KANK3: variants seen among roughly 807,000 people sequenced by gnomAD.
KANK3 encodes the protein KN motif and ankyrin repeat domains 3.
A neutral mutation model predicts 65.4 loss-of-function variants in KANK3; 61 were observed. The ratio of observed to expected loss-of-function variants is 0.93; its 90% CI spans 0.76 to 1.15. The LOEUF (loss-of-function observed/expected upper bound fraction) is 1.15. Among genes scored for constraint, KANK3 ranks in the 50% most tolerant of loss-of-function variants. KANK3 has a pLI of 0.00. For missense variants in KANK3, 1,187 were observed against 1,178.8 expected (o/e 1.01, Z -0.10); for synonymous variants, 586 against 543.3 (o/e 1.08, Z -1.09).
At chr19:8,342,966 C>G (rs1282155472) in intron 1 of KANK3, among the ~76,000 whole-genome samples, 3 of 152,122 alleles carry the variant, frequency 2.0e-5, no homozygotes, top group Admixed American at 2.0e-4. Flanking sequence ...CATTAGGGAG[C>G]GAACGAGCCC....
rs572205193 is a variant in KANK3, at chr19:8,333,756, G to A, written c.1687C>T (p.Leu563=). ...CTGGCTACTCCGCGGGGCCGGCTCA[G>A]CTGCCGCTGCAGCGCTACGCACGCC... ...REACVALQRQ[L]SRPRGVASDG... The change falls in exon 6 of 11, where the codon CTG becomes TTG. Residue 563 remains leucine (L), a synonymous_variant. Transcript: ENST00000330915. This position sits in a 1 kb window ranked among gnomAD's most constrained non-coding sequence, Gnocchi z 5.0. 2.0e-6 allele frequency: 3 copies of A among 1,486,158 alleles called. No homozygotes were observed. Among genetic ancestry groups the A allele is most frequent in the Non-Finnish European group, 2.7e-6 (3 of 1,114,838 alleles). 92.1% of individuals were successfully genotyped at this position (1,486,158 alleles called of 1,614,324 possible).
Position 8,334,926 on chromosome 19 carries a change from G to A in KANK3, c.901C>T (p.Arg301Trp), listed in dbSNP as rs775888237. Residue 301 changes from arginine to tryptophan, a missense_variant, in exon 3 of 11, where the codon CGG becomes TGG. Coordinates refer to ENST00000330915, the MANE Select transcript of KANK3 (RefSeq NM_198471.3). ...VGSLDGTPQT[R>W]EVAAEAVPET... The stretch of plus-strand genomic sequence containing the variant: ...GGCACGGCCTCGGCGGCCACCTCCC[G>A]GGTCTGGGGCGTCCCATCGAGACTC... The A allele has an allele frequency of 1.4e-6, 2 of 1,468,806 alleles. No individual in the cohort carries two copies. The highest frequency in any genetic ancestry group is 1.3e-5 in the South Asian group (1 of 76,116). 91.0% of individuals were successfully genotyped at this position (1,468,806 alleles called of 1,614,324 possible).
chr19:8,340,951 G>C (rs1970716475), intron 1 of KANK3, among the ~76,000 whole-genome samples: 1 of 152,134 alleles, frequency 6.6e-6, no homozygotes, highest in Non-Finnish European at 1.5e-5. Flanking sequence ...CAGATCAAGG[G>C]TTGGGGGGTC....
chr19:8,330,447 G>A (rs574286852), intron 7 of KANK3, among the ~76,000 whole-genome samples: 81 of 152,272 alleles, frequency 5.3e-4, no homozygotes, highest in African/African-American at 1.8e-3. Flanking sequence ...TGTAAAAATT[G>A]TCTGGGCACG....
intron 2 of KANK3, among the ~76,000 whole-genome samples, chr19:8,337,181 C>T (rs4999702): frequency 0.16 from 23,056 of 148,346 alleles, 2,078 homozygotes; most frequent in Non-Finnish European, 0.21. Flanking sequence ...TACAGGCACG[C>T]GCCACCATGC....
chr19:8,340,213 G>C (rs1163892733), intron 1 of KANK3, among the ~76,000 whole-genome samples: 2 of 134,582 alleles, frequency 1.5e-5, no homozygotes, highest in African/African-American at 5.7e-5. Context: ...AGTGAGCTGA[G>C]ATCATGCCAC....
intron 2 of KANK3, among the ~76,000 whole-genome samples, chr19:8,336,090 C>G (rs1970633011): frequency 6.6e-6 from 1 of 152,172 alleles, no homozygotes; most frequent in Non-Finnish European, 1.5e-5. Flanking sequence ...GGAGGAGGCC[C>G]GATTTAGCGT....
chr19:8,328,387 CCACACACACACA>C (rs55963090), intron 7 of KANK3, among the ~76,000 whole-genome samples: 34,991 of 145,096 alleles, frequency 0.24, 4,295 homozygotes, highest in Admixed American at 0.29. Flanking sequence ...ACCACCCCCA[CCACACACACACA>C]CACACACACA....
intron 1 of KANK3, among the ~76,000 whole-genome samples, chr19:8,343,004 G>C (rs1203961888): frequency 6.6e-6 from 1 of 152,198 alleles, no homozygotes; most frequent in Non-Finnish European, 1.5e-5. Flanking sequence ...GGGCGAGAGG[G>C]GGGCAAGCCC....
chr19:8,324,726 C>G lies in KANK3; in HGVS notation c.2187G>C (p.Gly729=), dbSNP rs1345214826. ...CACTGGCACACATCAGCGCTGTGGC[C>G]CCATCCGCATCCTGCGCATTCACAT... is the stretch of plus-strand genomic sequence containing the variant. ...GADVNAQDAD[G]ATALMCASEY... Residue 729 remains glycine, a synonymous_variant, in exon 9 of 11, where the codon GGG becomes GGC. Coordinates refer to ENST00000330915, the MANE Select transcript of KANK3 (RefSeq NM_198471.3). The G allele has an allele frequency of 6.2e-7, 1 of 1,614,034 alleles. No individual in the cohort carries two copies. The highest frequency in any genetic ancestry group is 1.7e-5 in the Admixed American group (1 of 60,034).
Position 8,333,379 on chromosome 19 carries a change from T to C in KANK3, c.1720-149A>G, listed in dbSNP as rs1195591522. The C allele has an allele frequency of 1.0e-5, 7 of 680,818 alleles. No homozygotes were observed. The highest frequency in any genetic ancestry group is 1.7e-5 in the Non-Finnish European group (7 of 410,080). 42.2% of individuals were successfully genotyped at this position (680,818 alleles called of 1,614,324 possible). A position where few individuals can be genotyped will look rare whatever the true frequency, so the allele number is the denominator to read the frequency against. On this transcript the variant is annotated intron_variant, in intron 6 of 10. Transcript: ENST00000330915. The surrounding 1 kb of genome is among the most constrained non-coding windows in gnomAD (Gnocchi z 5.0). ...CACTCCTCGTCCAGGTGGGGAGCCATGCGAACCCAGATGGAGGGCTGGGGC... is the reference window on the plus strand; with the variant it reads ...CACTCCTCGTCCAGGTGGGGAGCCACGCGAACCCAGATGGAGGGCTGGGGC...
At chr19:8,325,322 T>TTTTTTTTTTTTTTG (rs1970408544) in intron 7 of KANK3, among the ~76,000 whole-genome samples, 1 of 121,774 alleles carries the variant, frequency 8.2e-6, no homozygotes, top group African/African-American at 3.5e-5. Flanking sequence ...TTTTTTTTTT[T>TTTTTTTTTTTTTTG]GAGACATAGT....
chr19:8,340,320 A>ACACACC (rs1299225450), intron 1 of KANK3, among the ~76,000 whole-genome samples: 1 of 147,504 alleles, frequency 6.8e-6, no homozygotes, highest in Non-Finnish European at 1.5e-5. Flanking sequence ...ACACACACAC[A>ACACACC]GCCCCCATAC....
At chr19:8,338,302 A>G (rs948548011) in intron 1 of KANK3, among the ~76,000 whole-genome samples, 4 of 152,016 alleles carry the variant, frequency 2.6e-5, no homozygotes, top group Non-Finnish European at 4.4e-5. Context: ...GATTATAGGC[A>G]TGAGCCACCG....
At chr19:8,325,630 T>C (rs1970414382) in intron 7 of KANK3, among the ~76,000 whole-genome samples, 1 of 152,162 alleles carries the variant, frequency 6.6e-6, no homozygotes, top group African/African-American at 2.4e-5. Flanking sequence ...TGTTTGCTTC[T>C]GTATCCCTCA....
chr19:8,324,585 G>C (rs1303747571), intron 9 of KANK3, 38 bp from the exon 10 acceptor site: 1 of 1,612,338 alleles, frequency 6.2e-7, no homozygotes, highest in Non-Finnish European at 8.5e-7. Flanking sequence ...CCTGAGCCAA[G>C]CCATGGGCAC....
chr19:8,332,987 T>TTGGCCCCCCCC, intron 7 of KANK3, 27 bp downstream of exon 7: 1 of 395,198 alleles, frequency 2.5e-6, no homozygotes, highest in Non-Finnish European at 4.8e-6. Context: ...TTTCCTGGTG[T>TTGGCCCCCCCC]CCCACCCACC....
Position 8,324,950 on chromosome 19 carries a change from C to G in KANK3, c.2082+1G>C. 1 of 1,613,038 alleles carries G rather than the reference C, an allele frequency of 6.2e-7. No individual in the cohort carries two copies. The highest frequency in any genetic ancestry group is 2.2e-5 in the East Asian group (1 of 44,866). On this transcript the variant is annotated splice_donor_variant, in intron 8 of 10. Transcript: ENST00000330915. LOFTEE classifies it high-confidence loss of function. ...GAGCCACAGTGGGGGCGCCCACGCA[C>G]CTGACTGGCCTTGGCATTGACATCA... is the stretch of plus-strand genomic sequence containing the variant.
At chr19:8,331,494 C>G (rs1245620007) in intron 7 of KANK3, among the ~76,000 whole-genome samples, 1 of 152,132 alleles carries the variant, frequency 6.6e-6, no homozygotes, top group African/African-American at 2.4e-5. Context: ...CCGCCTCAAC[C>G]TGCAGTTAGT....
Sources: gnomAD v4.1 joint callset for allele counts (sites outside exome capture counted in the v4.1 genomes callset) on GRCh38, gnomAD v4.1.1 for gene constraint, Gnocchi (gnomAD v3.1) non-coding constraint, MANE v1.5 for transcripts, NCBI Gene and HGNC (gene_info 2026-07-23, HGNC 2026-07-21) for gene names.